Variants in TMPRSS7 observed in about 807,000 individuals in gnomAD.
The protein encoded by TMPRSS7 is transmembrane serine protease 7.
A neutral mutation model predicts 95.6 loss-of-function variants in TMPRSS7; 81 were observed. The ratio of observed to expected loss-of-function variants is 0.85; its 90% CI spans 0.71 to 1.02. The LOEUF is 1.02. TMPRSS7 is among the 50% of genes least tolerant of loss of function. The pLI, the probability that TMPRSS7 is intolerant of heterozygous loss-of-function variation, is 0.00. For missense variants in TMPRSS7, 945 were observed against 955.2 expected (o/e 0.99, Z 0.14); for synonymous variants, 364 against 337.8 (o/e 1.08, Z -0.85).
intron 9 of TMPRSS7, among the ~76,000 whole-genome samples, chr3:112,056,101 G>C (rs914891722): frequency 2.0e-5 from 3 of 152,128 alleles, no homozygotes; most frequent in African/African-American, 7.2e-5. Context: ...GGAATTTTAA[G>C]TCTCTTCATT....
chr3:112,049,378 G>T (rs142772736), intron 7 of TMPRSS7, among the ~76,000 whole-genome samples: 1 of 152,068 alleles, frequency 6.6e-6, no homozygotes, highest in African/African-American at 2.4e-5. Flanking sequence ...TCAGTTCTTT[G>T]TTTAAAATGC....
chr3:112,045,938 T>A, exon 5 of TMPRSS7: 1 of 1,546,740 alleles, frequency 6.5e-7, no homozygotes. Context: ...TCTGTGGTAC[T>A]AAATGGTGAT....
rs546904799 is a variant in TMPRSS7 at position 112,057,111 on chromosome 3, G to A, written c.1290G>A (p.Trp430Ter). ...GTATGAAAGGCTGTGAGCATGGATGGTGGGAAATTAATGAGCACATGTAAG... is the reference window on the plus strand; with the variant it reads ...GTATGAAAGGCTGTGAGCATGGATGATGGGAAATTAATGAGCACATGTAAG... The change falls in exon 10 of 18, where the codon TGG becomes TGA. Residue 430 changes from tryptophan (W) to a stop codon, truncating the protein, a stop_gained. Coordinates refer to ENST00000452346, the Ensembl canonical transcript of TMPRSS7. LOFTEE classifies it high-confidence loss of function. The A allele has an allele frequency of 9.3e-6, 15 of 1,611,864 alleles. No individual in the cohort carries two copies. The South Asian group carries it at 1.2e-4, about 13-fold the overall frequency.
chr3:112,060,372 G>A (rs1041797882), intron 10 of TMPRSS7, among the ~76,000 whole-genome samples: 22 of 151,978 alleles, frequency 1.4e-4, no homozygotes, highest in South Asian at 6.2e-4. Context: ...GAATTTCCTC[G>A]TCCTAATAAG....
intron 1 of TMPRSS7, 45 bp from the exon 2 acceptor site, chr3:112,038,027 T>G: frequency 1.4e-6 from 1 of 693,864 alleles, no homozygotes; most frequent in South Asian, 1.5e-5. Context: ...TTTAAGATCC[T>G]GTCTACTTCT....
At chr3:112,064,336 T>TTG (rs1184269638) in intron 12 of TMPRSS7, among the ~76,000 whole-genome samples, 1 of 106,816 alleles carries the variant, frequency 9.4e-6, no homozygotes, top group Non-Finnish European at 2.0e-5. Context: ...AGAACGGGTT[T>TTG]TGTGTGTGTG....
intron 9 of TMPRSS7, among the ~76,000 whole-genome samples, chr3:112,055,158 C>T (rs548109379): frequency 4.1e-4 from 63 of 152,178 alleles, no homozygotes; most frequent in African/African-American, 1.5e-3. Context: ...TCCGATTGAG[C>T]CCCCCATGTT....
chr3:112,041,512 G>C (rs1174966125), intron 2 of TMPRSS7, among the ~76,000 whole-genome samples: 1 of 151,710 alleles, frequency 6.6e-6, no homozygotes, highest in African/African-American at 2.4e-5. Context: ...AATGTTTATT[G>C]AGCTTCAAAG....
intron 12 of TMPRSS7, among the ~76,000 whole-genome samples, chr3:112,065,099 G>A (rs1305405461): frequency 6.6e-6 from 1 of 152,112 alleles, no homozygotes; most frequent in Admixed American, 6.5e-5. Flanking sequence ...GGAGAGCAGT[G>A]GTGTGATCAT....
At chr3:112,058,187 A>G (rs891525400) in intron 10 of TMPRSS7, among the ~76,000 whole-genome samples, 6 of 152,222 alleles carry the variant, frequency 3.9e-5, no homozygotes, top group African/African-American at 1.4e-4. Context: ...CTTTTTCAGA[A>G]CAAACTTCTT....
At chr3:112,041,017 A>G (rs191520403) in intron 2 of TMPRSS7, among the ~76,000 whole-genome samples, 1 of 151,662 alleles carries the variant, frequency 6.6e-6, no homozygotes, top group East Asian at 2.0e-4. Context: ...TGATATGAGA[A>G]GGATGCGTGA....
intron 3 of TMPRSS7, among the ~76,000 whole-genome samples, chr3:112,042,534 A>G (rs2073223095): frequency 6.6e-6 from 1 of 152,230 alleles, no homozygotes; most frequent in African/African-American, 2.4e-5. Context: ...CTTTAATGTC[A>G]TCACCGGAGA....
At chr3:112,042,473 T>C (rs1397868136) in intron 3 of TMPRSS7, among the ~76,000 whole-genome samples, 1 of 152,238 alleles carries the variant, frequency 6.6e-6, no homozygotes, top group Non-Finnish European at 1.5e-5. Context: ...TACATATTTA[T>C]TATAAAAATT....
chr3:112,036,545 T>C (rs2073151305), intron 1 of TMPRSS7, among the ~76,000 whole-genome samples: 1 of 148,612 alleles, frequency 6.7e-6, no homozygotes, highest in Non-Finnish European at 1.5e-5. Flanking sequence ...TCCAGCCTGG[T>C]CAATAAGAGC....
chr3:112,071,925 C>T (rs1266912731), intron 13 of TMPRSS7, among the ~76,000 whole-genome samples: 1 of 152,136 alleles, frequency 6.6e-6, no homozygotes, highest in Non-Finnish European at 1.5e-5. Flanking sequence ...TTGTTATTAC[C>T]TACCTTCTGA....
chr3:112,045,647 T>A lies in TMPRSS7; in HGVS notation c.498-103T>A, dbSNP rs1198615559. 3 of 1,133,036 alleles carry A rather than the reference T, an allele frequency of 2.6e-6. No individual in the cohort carries two copies. In the Admixed American group the frequency reaches 8.7e-5, roughly 33 times the overall value. The allele number at this position is 1,133,036 out of a possible 1,614,324, so 70.2% of individuals were successfully genotyped here. A position where few individuals can be genotyped will look rare whatever the true frequency, so the allele number is the denominator to read the frequency against. ...ACCTAAAGAAGGGAGCTAGCTTCAG[T>A]TGAAGGATGTGCTCATTGGCCTTAC... On this transcript the variant is annotated intron_variant, in intron 4 of 17. Transcript: ENST00000452346.
intron 11 of TMPRSS7, 37 bp downstream of exon 11, chr3:112,061,960 C>T: frequency 6.5e-7 from 1 of 1,535,160 alleles, no homozygotes; most frequent in Non-Finnish European, 8.8e-7. Flanking sequence ...AAACTTAATA[C>T]TTACATAGAG....
At chr3:112,061,470 A>G (rs908421513) in intron 10 of TMPRSS7, among the ~76,000 whole-genome samples, 1 of 152,204 alleles carries the variant, frequency 6.6e-6, no homozygotes, top group Non-Finnish European at 1.5e-5. Context: ...TTCTTACATT[A>G]CACAGGTTTT....
At chr3:112,061,999 G>A (rs1327823949) in intron 11 of TMPRSS7, 76 bp downstream of exon 11, 1 of 1,206,546 alleles carries the variant, frequency 8.3e-7, no homozygotes, top group Non-Finnish European at 1.1e-6. Flanking sequence ...CAAACCGTGA[G>A]AATTTAAGAA....
Sources: gnomAD v4.1 joint callset for allele counts (sites outside exome capture counted in the v4.1 genomes callset) on GRCh38, gnomAD v4.1.1 for gene constraint, MANE v1.5 for transcripts, NCBI Gene and HGNC (gene_info 2026-07-23, HGNC 2026-07-21) for gene names.